FOXN3: variants seen among roughly 807,000 people sequenced by gnomAD.
FOXN3 encodes the protein forkhead box protein N3.
FOXN3 carries 7 observed loss-of-function variants against 38.4 expected under a neutral mutation model. The observed-to-expected ratio is 0.18, with a 90% CI of 0.10 to 0.34. The LOEUF is 0.34. Among genes scored for constraint, FOXN3 ranks in the 10% least tolerant of loss-of-function variants. The pLI is 1.00. For synonymous variants in FOXN3, 230 were observed against 242.2 expected, an observed-to-expected ratio of 0.95 and a Z score of 0.47; for missense variants, 456 against 613.4, an observed-to-expected ratio of 0.74 and a Z score of 2.71.
intron 4 of FOXN3, among the ~76,000 whole-genome samples, chr14:89,246,410 T>C (rs577365342): frequency 2.3e-4 from 35 of 152,156 alleles, no homozygotes; most frequent in African/African-American, 8.4e-4. Context: ...CCTGAAACCA[T>C]GGTTTTCACA....
In FOXN3 at chr14:89,162,801, G is replaced by A. The variant is rs746570619; in HGVS notation, c.1020C>T (p.Ala340=). The change falls in exon 6 of 6, where the codon GCC becomes GCT. Residue 340 remains alanine, a synonymous_variant. Transcript: ENST00000557258. The surrounding 1 kb of genome is among the most constrained non-coding windows in gnomAD (Gnocchi z 7.2). ...TGGTGGCAAACTCATAGTGGTCGTC[G>A]GCTGAGGAGGAGGAGGAGGAGATGG... The part of the protein sequence containing the change: ...SDSISSSSSS[A]DDHYEFATKG... 6.2e-6 allele frequency: 10 copies of A among 1,612,836 alleles called. No homozygotes were observed. The East Asian group carries it at 6.7e-5, about 11-fold the overall frequency.
At chr14:89,383,687 T>C (rs974938335) in intron 2 of FOXN3, among the ~76,000 whole-genome samples, 2 of 152,086 alleles carry the variant, frequency 1.3e-5, no homozygotes, top group African/African-American at 4.8e-5. Context: ...TCTCCTCTCC[T>C]CTCCTCGTAA....
chr14:89,222,197 A>T (rs948306907), intron 4 of FOXN3, among the ~76,000 whole-genome samples: 32 of 152,198 alleles, frequency 2.1e-4, no homozygotes, highest in African/African-American at 7.2e-4. Flanking sequence ...AGCTCTCCAG[A>T]GCTGATGTCA....
chr14:89,607,819 T>A (rs1313863846), intron 1 of FOXN3, among the ~76,000 whole-genome samples: 2 of 4,762 alleles, frequency 4.2e-4, no homozygotes, highest in East Asian at 0.12. Context: ...CATGCTATCT[T>A]TTTTTTTTTT....
At position 89,162,579 on chromosome 14, in the gene FOXN3, G is replaced by C. The variant is rs531898840; in HGVS notation, c.1242C>G (p.Pro414=). 2 of 1,613,832 alleles carry C rather than the reference G, an allele frequency of 1.2e-6. No homozygotes were observed. Among genetic ancestry groups the C allele is most frequent in the East Asian group, 2.2e-5 (1 of 44,854 alleles). Residue 414 remains proline, a synonymous_variant, in exon 6 of 6, where the codon CCC becomes CCG. Coordinates refer to ENST00000557258, the MANE Select transcript of FOXN3 (RefSeq NM_005197.4). The surrounding 1 kb of genome is among the most constrained non-coding windows in gnomAD (Gnocchi z 7.2). ...KARKVPSDTL[P]LKKRRTEKPP... is the part of the protein sequence containing the mutation. ...GCTTTTCGGTGCGTCTCTTTTTGAGGGGCAGTGTGTCGCTGGGGACCTTCC... is the reference window on the plus strand; with the variant it reads ...GCTTTTCGGTGCGTCTCTTTTTGAGCGGCAGTGTGTCGCTGGGGACCTTCC...
At chr14:89,477,809 G>A (rs1893241568) in intron 1 of FOXN3, among the ~76,000 whole-genome samples, 1 of 152,040 alleles carries the variant, frequency 6.6e-6, no homozygotes, top group South Asian at 2.1e-4. Context: ...TTTGCCATGT[G>A]TAAATAGGCA....
intron 1 of FOXN3, among the ~76,000 whole-genome samples, chr14:89,427,228 C>CAA (rs1377599085): frequency 2.5e-3 from 112 of 44,458 alleles, no homozygotes; most frequent in African/African-American, 9.8e-3. Context: ...GCCTCTGTCT[C>CAA]AAAAAAAAAA....
chr14:89,341,384 C>T (rs1012958286), intron 3 of FOXN3, among the ~76,000 whole-genome samples: 9 of 152,286 alleles, frequency 5.9e-5, no homozygotes, highest in East Asian at 1.9e-4. Context: ...GTGCTCTTCC[C>T]GGGTTACACA....
intron 2 of FOXN3, among the ~76,000 whole-genome samples, chr14:89,372,876 C>T (rs1890363275): frequency 1.3e-5 from 2 of 152,244 alleles, no homozygotes; most frequent in Admixed American, 1.3e-4. Flanking sequence ...TGGCTTTCAA[C>T]AAGTTAAATG....
intron 1 of FOXN3, among the ~76,000 whole-genome samples, chr14:89,444,420 A>AT (rs1892452955): frequency 6.6e-6 from 1 of 151,394 alleles, no homozygotes; most frequent in Admixed American, 6.6e-5. Flanking sequence ...AATATTTCAC[A>AT]TAAAAAAAAA....
At chr14:89,173,316 G>C (rs1268121816) in intron 5 of FOXN3, among the ~76,000 whole-genome samples, 1 of 152,246 alleles carries the variant, frequency 6.6e-6, no homozygotes. Flanking sequence ...TTCTAAATGT[G>C]TGTGAAGATG....
upstream of FOXN3, chr14:89,417,700 TGAGAA>T (rs1315788916): frequency 4.4e-6 from 2 of 454,604 alleles, no homozygotes; most frequent in African/African-American, 2.0e-5. Context: ...CTTGTGGGGG[TGAGAA>T]GAGGAGATTC....
At chr14:89,539,130 C>T (rs1045668026) in intron 1 of FOXN3, among the ~76,000 whole-genome samples, 11 of 152,188 alleles carry the variant, frequency 7.2e-5, no homozygotes, top group Admixed American at 5.9e-4. Context: ...GCGTGAGCCA[C>T]GTGCCTGGCC....
chr14:89,564,749 G>A (rs1031846589), intron 1 of FOXN3, among the ~76,000 whole-genome samples: 1 of 152,036 alleles, frequency 6.6e-6, no homozygotes. Flanking sequence ...AATTAGTTAA[G>A]ATGAGGTCAT....
chr14:89,297,489 G>A (rs990604764), intron 3 of FOXN3, among the ~76,000 whole-genome samples: 15 of 151,166 alleles, frequency 9.9e-5, no homozygotes, highest in African/African-American at 3.4e-4. Flanking sequence ...GAAACTGGGA[G>A]GCGGAGCTTG....
intron 1 of FOXN3, among the ~76,000 whole-genome samples, chr14:89,477,687 C>T (rs376306759): frequency 2.6e-5 from 4 of 152,176 alleles, no homozygotes; most frequent in South Asian, 2.1e-4. Flanking sequence ...AACTTGAAGG[C>T]TCTGGGCCAG....
intron 3 of FOXN3, among the ~76,000 whole-genome samples, chr14:89,283,141 C>A (rs908468461): frequency 2.0e-5 from 3 of 152,096 alleles, no homozygotes; most frequent in Non-Finnish European, 4.4e-5. Context: ...AGCTCCCTGG[C>A]CCATATCTAC....
chr14:89,192,884 G>A (rs1887997461), intron 4 of FOXN3, among the ~76,000 whole-genome samples: 1 of 151,288 alleles, frequency 6.6e-6, no homozygotes, highest in East Asian at 1.9e-4. Context: ...CACTGCCCCT[G>A]TGGCTCCCAC....
intron 1 of FOXN3, among the ~76,000 whole-genome samples, chr14:89,475,426 T>C (rs1596289537): frequency 6.6e-6 from 1 of 151,780 alleles, no homozygotes; most frequent in Non-Finnish European, 1.5e-5. Context: ...GAGGCTGAGG[T>C]GGGAGGATTG....
Sources: allele counts gnomAD v4.1 joint callset (sites outside exome capture counted in the v4.1 genomes callset), GRCh38; gene constraint gnomAD v4.1.1; non-coding constraint Gnocchi (gnomAD v3.1); transcripts MANE v1.5; gene names NCBI Gene and HGNC (gene_info 2026-07-23, HGNC 2026-07-21).